TMPRSS11F: variants seen among roughly 807,000 people sequenced by gnomAD.
TMPRSS11F encodes the protein transmembrane serine protease 11F.
In TMPRSS11F, 47 loss-of-function variants were observed where a neutral mutation model predicts 60.2. The observed-to-expected ratio is 0.78, with a 90% CI of 0.62 to 1.00. The LOEUF is 1.00. Ranked by LOEUF, TMPRSS11F falls within the 50% of genes least tolerant of loss-of-function variation. The pLI is 0.00. For synonymous variants in TMPRSS11F, 166 were observed against 167.3 expected (o/e 0.99, Z 0.06); for missense variants, 519 against 522.9 (o/e 0.99, Z 0.07).
Position 68,097,708 on chromosome 4 carries a change from A to AT in TMPRSS11F, c.163+1178dup, listed in dbSNP as rs903131481. 1.1e-3 allele frequency among the ~76,000 whole-genome samples: 164 copies of AT among 148,588 alleles called. 1 individual carries two copies. The highest frequency in any genetic ancestry group is 2.5e-3 in the African/African-American group (102 of 40,406). On this transcript the variant is annotated intron_variant, in intron 2 of 9. Transcript: ENST00000356291. The stretch of plus-strand genomic sequence containing the variant: ...TTGTCATTATTTTTACTATCCCTTC[A>AT]TTTTTTTTTCGTTTTTAAGCATTGG...
intron 1 of TMPRSS11F, among the ~76,000 whole-genome samples, chr4:68,109,918 GA>G (rs1027054124): frequency 7.6e-4 from 116 of 152,240 alleles, no homozygotes; most frequent in Admixed American, 1.2e-3. Flanking sequence ...TGGTACTAAA[GA>G]AATGTAAACA....
intron 1 of TMPRSS11F, among the ~76,000 whole-genome samples, chr4:68,104,956 T>C (rs1338794107): frequency 1.0e-5 from 1 of 98,552 alleles, no homozygotes; most frequent in East Asian, 2.5e-4. Context: ...AATTTGCTTG[T>C]AGGTTTTTTT....
At chr4:68,064,580 A>C in intron 8 of TMPRSS11F, 105 bp downstream of exon 8, 2 of 1,319,638 alleles carry the variant, frequency 1.5e-6, no homozygotes, top group South Asian at 1.4e-5. Context: ...CATACTGGAA[A>C]GACCATTACT....
chr4:68,068,889 G>T, intron 6 of TMPRSS11F, 70 bp from the exon 7 acceptor site: 1 of 1,508,262 alleles, frequency 6.6e-7, no homozygotes. Flanking sequence ...ATTTGCTTTG[G>T]TTATAGACAA....
chr4:68,083,214 C>A (rs952423922), intron 3 of TMPRSS11F, among the ~76,000 whole-genome samples: 3 of 152,198 alleles, frequency 2.0e-5, no homozygotes, highest in Admixed American at 1.3e-4. Flanking sequence ...CATTGCAGGT[C>A]TCTTGGCAAC....
chr4:68,057,083 G>A (rs1837214), intron 9 of TMPRSS11F, among the ~76,000 whole-genome samples: 43,923 of 151,734 alleles, frequency 0.29, 6,442 homozygotes, highest in East Asian at 0.49. Context: ...TCAGGAGTTC[G>A]AGACCAGCCT....
chr4:68,113,154 T>G (rs894834967), intron 1 of TMPRSS11F, among the ~76,000 whole-genome samples: 1 of 152,256 alleles, frequency 6.6e-6, no homozygotes, highest in Admixed American at 6.5e-5. Flanking sequence ...TGTTCTTTGA[T>G]TATAGAGAAA....
At chr4:68,120,340 A>T (rs770827393) in intron 1 of TMPRSS11F, among the ~76,000 whole-genome samples, 2 of 151,832 alleles carry the variant, frequency 1.3e-5, no homozygotes, top group Non-Finnish European at 2.9e-5. Context: ...CTCTGAGTAA[A>T]ATGCTATCAA....
chr4:68,129,686 AAC>A, intron 1 of TMPRSS11F, 122 bp downstream of exon 1: 1 of 832,996 alleles, frequency 1.2e-6, no homozygotes. Flanking sequence ...AAAATACAAT[AAC>A]ACACATTAAA....
chr4:68,064,687 T>C lies in TMPRSS11F; in HGVS notation c.1013A>G (p.Asp338Gly). Reference protein sequence around the residue: ...FVTGFGSIVDDGPIQNTLRQA... With the variant: ...FVTGFGSIVDGGPIQNTLRQA... Reference sequence around the variant, plus strand: ...AAAATTAGGTTGAAACTGCTCACCATCATCTACAATGGATCCAAATCCTGT... The same window carrying C: ...AAAATTAGGTTGAAACTGCTCACCACCATCTACAATGGATCCAAATCCTGT... Residue 338 changes from aspartate (D) to glycine (G), a missense_variant and splice_region_variant, in exon 8 of 10, where the codon GAT (aspartate) becomes GGT (glycine). Transcript: ENST00000356291. The C allele has an allele frequency of 1.9e-6, 3 of 1,613,218 alleles. No individual in the cohort carries two copies. The highest frequency in any genetic ancestry group is 1.7e-6 in the Non-Finnish European group (2 of 1,179,550).
chr4:68,104,686 C>T (rs1482099478), intron 1 of TMPRSS11F, among the ~76,000 whole-genome samples: 1 of 152,096 alleles, frequency 6.6e-6, no homozygotes, highest in Non-Finnish European at 1.5e-5. Flanking sequence ...GACTAGTACA[C>T]CTTCTATTCC....
chr4:68,112,961 T>G (rs1317485836), intron 1 of TMPRSS11F, among the ~76,000 whole-genome samples: 1 of 152,146 alleles, frequency 6.6e-6, no homozygotes, highest in African/African-American at 2.4e-5. Context: ...AAAGTAAAAT[T>G]CTGAAATATT....
At chr4:68,075,357 G>A (rs1723561953) in intron 3 of TMPRSS11F, among the ~76,000 whole-genome samples, 1 of 152,060 alleles carries the variant, frequency 6.6e-6, no homozygotes, top group African/African-American at 2.4e-5. Context: ...TCCGAATACT[G>A]CAACCAGGAT....
intron 9 of TMPRSS11F, among the ~76,000 whole-genome samples, chr4:68,057,058 G>A (rs1021692214): frequency 2.4e-4 from 36 of 152,248 alleles, no homozygotes; most frequent in Non-Finnish European, 2.5e-4. Flanking sequence ...GCTGAGGCAG[G>A]TGGATCACTT....
intron 3 of TMPRSS11F, among the ~76,000 whole-genome samples, chr4:68,076,219 CA>C (rs1723581342): frequency 6.6e-6 from 1 of 152,096 alleles, no homozygotes; most frequent in South Asian, 2.1e-4. Context: ...GGTCGCCTTC[CA>C]TGCTTAATAT....
At chr4:68,107,912 G>A (rs916850125) in intron 1 of TMPRSS11F, among the ~76,000 whole-genome samples, 3 of 152,222 alleles carry the variant, frequency 2.0e-5, no homozygotes, top group Admixed American at 2.0e-4. Flanking sequence ...ACTCCAGCCT[G>A]GAGACAAAGT....
chr4:68,117,562 C>T (rs774685501), intron 1 of TMPRSS11F, among the ~76,000 whole-genome samples: 96 of 149,828 alleles, frequency 6.4e-4, no homozygotes, highest in Admixed American at 1.7e-3. Context: ...GTTTATGAGA[C>T]GGTGAACAAC....
chr4:68,087,907 C>T (rs2109861689), intron 3 of TMPRSS11F, among the ~76,000 whole-genome samples: 1 of 132,442 alleles, frequency 7.6e-6, no homozygotes, highest in South Asian at 2.4e-4. Flanking sequence ...GTGTGATGTT[C>T]CCCTTCCTGT....
chr4:68,084,577 A>C (rs1017108949), intron 3 of TMPRSS11F, among the ~76,000 whole-genome samples: 3 of 152,182 alleles, frequency 2.0e-5, no homozygotes, highest in African/African-American at 7.2e-5. Context: ...TCATAAGTAA[A>C]GGAGAAATAA....
Sources: allele counts gnomAD v4.1 joint callset (sites outside exome capture counted in the v4.1 genomes callset), GRCh38; gene constraint gnomAD v4.1.1; transcripts MANE v1.5; gene names NCBI Gene and HGNC (gene_info 2026-07-23, HGNC 2026-07-21).